Variants in VWA3B observed in about 807,000 individuals in gnomAD.
The protein encoded by VWA3B is von Willebrand factor A domain containing 3B.
In VWA3B, 138 loss-of-function variants were observed where a neutral mutation model predicts 158.3. The ratio of observed to expected loss-of-function variants is 0.87; its 90% CI spans 0.76 to 1.00. The LOEUF (loss-of-function observed/expected upper bound fraction) is 1.00, where lower values mean the gene tolerates loss of function less well. VWA3B is among the 50% of genes least tolerant of loss of function. The probability of loss-of-function intolerance (pLI) is 0.00; values close to 1 mark genes in which losing one functional copy is unlikely to be tolerated. For synonymous variants in VWA3B, 596 were observed against 587.3 expected (o/e 1.01, Z -0.21); for missense variants, 1,555 against 1,565.1 (o/e 0.99, Z 0.11).
Position 98,187,955 on chromosome 2 carries a change from G to C in VWA3B, c.1312-20G>C. 1 of 1,587,658 alleles carries C rather than the reference G, an allele frequency of 6.3e-7. No individual in the cohort carries two copies. On this transcript the variant is annotated intron_variant, in intron 9 of 27. Transcript: ENST00000477737. ...TTTGGACAGTTTCTGAGTGGCTTCTGTCCTTTGTCATCTCCTTAGGAGACG... is the reference window on the plus strand; with the variant it reads ...TTTGGACAGTTTCTGAGTGGCTTCTCTCCTTTGTCATCTCCTTAGGAGACG...
At chr2:98,134,974 C>G (rs976264183) in intron 7 of VWA3B, among the ~76,000 whole-genome samples, 2 of 152,012 alleles carry the variant, frequency 1.3e-5, no homozygotes, top group African/African-American at 4.8e-5. Context: ...GTAATGGAAA[C>G]CTTTGTTCCA....
chr2:98,249,331 G>T (rs866778928), intron 19 of VWA3B, among the ~76,000 whole-genome samples: 2 of 152,116 alleles, frequency 1.3e-5, no homozygotes, highest in South Asian at 4.1e-4. Flanking sequence ...CTTACATTCT[G>T]ATAGAGAGAG....
intron 27 of VWA3B, 69 bp from the exon 28 acceptor site, chr2:98,312,131 G>A: frequency 1.2e-6 from 2 of 1,613,760 alleles, no homozygotes; most frequent in Non-Finnish European, 1.7e-6. Context: ...TCAGATTCTG[G>A]GCCTGTTTAG....
intron 20 of VWA3B, among the ~76,000 whole-genome samples, chr2:98,254,717 C>T (rs546520824): frequency 3.3e-5 from 5 of 152,312 alleles, no homozygotes; most frequent in South Asian, 2.1e-4. Flanking sequence ...CCCACTTTAC[C>T]GAAAAGTTGG....
intron 12 of VWA3B, among the ~76,000 whole-genome samples, chr2:98,209,838 T>C (rs1329234811): frequency 6.6e-6 from 1 of 152,244 alleles, no homozygotes; most frequent in East Asian, 1.9e-4. Context: ...GAAGACTTTA[T>C]TTCCACTTAT....
At chr2:98,282,683 C>G (rs916488822) in intron 22 of VWA3B, among the ~76,000 whole-genome samples, 1 of 152,098 alleles carries the variant, frequency 6.6e-6, no homozygotes, top group African/African-American at 2.4e-5. Context: ...AAGGGATTCA[C>G]CCGCCTCAGC....
rs553936828 is a variant in VWA3B, at chr2:98,234,687, C to G, written c.2348C>G (p.Ser783Cys). 6.2e-7 allele frequency: 1 copy of G among 1,614,204 alleles called. No homozygotes were observed. The highest frequency in any genetic ancestry group is 2.2e-5 in the East Asian group (1 of 44,896). ...AGCCTGCTCAGAAGCCAGATGTCCT[C>G]CCTCAGGAGCTCAGCTTGCAGTGAA... Reference protein sequence around the residue: ...KTSLLRSQMSSLRSSACSERK... With the variant: ...KTSLLRSQMSCLRSSACSERK... Residue 783 changes from serine to cysteine, a missense_variant, in exon 17 of 28, where the codon TCC becomes TGC. By Grantham distance (112) the Ser-to-Cys change is moderately radical (BLOSUM62 -1). Transcript: ENST00000477737.
intron 12 of VWA3B, among the ~76,000 whole-genome samples, chr2:98,197,765 C>A (rs1682181180): frequency 1.3e-5 from 2 of 152,004 alleles, no homozygotes; most frequent in Middle Eastern, 3.4e-3. Context: ...TTTTTTCCCC[C>A]TTTAGCATTT....
At chr2:98,153,740 G>A (rs540379687) in intron 7 of VWA3B, among the ~76,000 whole-genome samples, 8 of 152,198 alleles carry the variant, frequency 5.3e-5, no homozygotes, top group Non-Finnish European at 8.8e-5. Flanking sequence ...TGAATTCAGC[G>A]GATGGAGCCG....
intron 25 of VWA3B, among the ~76,000 whole-genome samples, chr2:98,300,482 A>G (rs909562783): frequency 6.6e-6 from 1 of 151,926 alleles, no homozygotes; most frequent in Non-Finnish European, 1.5e-5. Flanking sequence ...GGCTCACTCT[A>G]GGGTCTTGGA....
downstream of VWA3B, among the ~76,000 whole-genome samples, chr2:98,313,505 G>A (rs1472672364): frequency 6.6e-6 from 1 of 152,226 alleles, no homozygotes; most frequent in Non-Finnish European, 1.5e-5. Context: ...AAGGGTATGA[G>A]GGTCTGAAGG....
intron 12 of VWA3B, among the ~76,000 whole-genome samples, chr2:98,209,447 A>AT (rs1379454363): frequency 6.6e-6 from 1 of 151,858 alleles, no homozygotes; most frequent in Admixed American, 6.6e-5. Context: ...CGCCAGGCTA[A>AT]TTTTTTGTAT....
intron 26 of VWA3B, among the ~76,000 whole-genome samples, chr2:98,306,432 T>C (rs552295784): frequency 1.7e-4 from 26 of 151,988 alleles, no homozygotes; most frequent in Admixed American, 1.4e-3. Flanking sequence ...CCTCAAGGGG[T>C]GTGCGGCTCC....
chr2:98,268,622 G>A (rs1322370820), intron 21 of VWA3B, among the ~76,000 whole-genome samples: 2 of 149,150 alleles, frequency 1.3e-5, no homozygotes, highest in Non-Finnish European at 3.0e-5. Context: ...AGCTCATTGA[G>A]CATCATTAAC....
intron 14 of VWA3B, among the ~76,000 whole-genome samples, chr2:98,222,900 A>C (rs1187159646): frequency 2.0e-5 from 3 of 152,240 alleles, no homozygotes; most frequent in Non-Finnish European, 2.9e-5. Context: ...GAATCTTCTC[A>C]CACAATAGGA....
At chr2:98,203,664 T>C (rs1198557083) in intron 12 of VWA3B, among the ~76,000 whole-genome samples, 1 of 152,240 alleles carries the variant, frequency 6.6e-6, no homozygotes, top group Non-Finnish European at 1.5e-5. Context: ...ATACTAAGTA[T>C]TGTAATTTTT....
chr2:98,191,903 T>C (rs1681609451), intron 10 of VWA3B, among the ~76,000 whole-genome samples: 1 of 152,270 alleles, frequency 6.6e-6, no homozygotes, highest in African/African-American at 2.4e-5. Context: ...TCAATTCAAA[T>C]ATTTTTTCCA....
intron 13 of VWA3B, 38 bp downstream of exon 13, chr2:98,212,066 A>G: frequency 6.3e-7 from 1 of 1,583,246 alleles, no homozygotes; most frequent in Admixed American, 1.7e-5. Context: ...GGCCTCACTG[A>G]TGCTCTGAAA....
intron 12 of VWA3B, among the ~76,000 whole-genome samples, chr2:98,204,229 G>GT (rs1331525522): frequency 6.6e-6 from 1 of 152,186 alleles, no homozygotes; most frequent in Non-Finnish European, 1.5e-5. Context: ...TTGTTTGTTT[G>GT]TTTTTTCCAA....
Sources: gnomAD v4.1 joint callset for allele counts (sites outside exome capture counted in the v4.1 genomes callset) on GRCh38, gnomAD v4.1.1 for gene constraint, MANE v1.5 for transcripts, NCBI Gene and HGNC (gene_info 2026-07-23, HGNC 2026-07-21) for gene names.